Variants in BRPF3 observed in about 807,000 individuals in gnomAD.
BRPF3 encodes bromodomain and PHD finger-containing protein 3.
In BRPF3, 18 loss-of-function variants were observed where a neutral mutation model predicts 102.0. The observed-to-expected ratio is 0.18, with a 90% CI of 0.12 to 0.26. BRPF3 has a LOEUF of 0.26. Among genes scored for constraint, BRPF3 ranks in the 10% least tolerant of loss-of-function variants. The probability of loss-of-function intolerance (pLI) is 1.00; values close to 1 mark genes in which losing one functional copy is unlikely to be tolerated. For missense variants in BRPF3, 1,147 were observed against 1,567.8 expected (o/e 0.73, Z 4.53); for synonymous variants, 570 against 614.2 (o/e 0.93, Z 1.06).
chr6:36,215,760 G>C (rs1401930457), intron 8 of BRPF3, among the ~76,000 whole-genome samples: 1 of 152,120 alleles, frequency 6.6e-6, no homozygotes, highest in East Asian at 1.9e-4. Flanking sequence ...GGGCTTCCCA[G>C]AGCATCAGGA....
chr6:36,227,635 CAT>C (rs945626566), intron 11 of BRPF3, among the ~76,000 whole-genome samples: 7 of 152,180 alleles, frequency 4.6e-5, no homozygotes, highest in African/African-American at 1.7e-4. Context: ...CAAGAGGAAA[CAT>C]ATCAGAGTAG....
rs1384060124 is a variant in BRPF3 at position 36,214,351 on chromosome 6, A to G, written c.2954A>G (p.Glu985Gly). Residue 985 changes from glutamate to glycine, a missense_variant, in exon 8 of 13, where the codon GAA becomes GGA. Physicochemically the swap from Glu to Gly is moderately conservative, Grantham distance 98. This residue lies in a region of BRPF3 where 379 missense variants were observed against 426.3 expected (regional missense o/e 0.89). Coordinates refer to ENST00000357641, the MANE Select transcript of BRPF3 (RefSeq NM_015695.3). ...RPRSRSCSES[E>G]GERSPQQEEE... ...AGGAGCAGGAGCTGTAGTGAGAGCG[A>G]AGGGGAGAGGTCCCCCCAGCAGGAG... is the stretch of plus-strand genomic sequence containing the variant. The G allele has an allele frequency of 4.4e-6, 7 of 1,606,066 alleles. No homozygotes were observed.
Position 36,231,792 on chromosome 6 carries a change from C to T in BRPF3, c.*1183C>T, listed in dbSNP as rs575958298. On this transcript the variant is annotated 3_prime_UTR_variant, in exon 13 of 13. Transcript: ENST00000357641. ...CTCTTCAACCCCCTCCCCACCTTCA[C>T]CTTCTCAAAAATGGAAGGAAAAAAA... 6.5e-6 allele frequency: 1 copy of T among 152,710 alleles called. No individual in the cohort carries two copies. The highest frequency in any genetic ancestry group is 1.9e-4 in the East Asian group (1 of 5,180). The allele number at this position is 152,710 out of a possible 1,614,324, so 9.5% of individuals were successfully genotyped here. A position where few individuals can be genotyped will look rare whatever the true frequency, so the allele number is the denominator to read the frequency against.
chr6:36,198,060 G>T (rs2127271754), intron 1 of BRPF3, among the ~76,000 whole-genome samples: 1 of 152,304 alleles, frequency 6.6e-6, no homozygotes, highest in South Asian at 2.1e-4. Context: ...AAGCAGGTCT[G>T]TTGGCCCTGT....
intron 2 of BRPF3, chr6:36,204,363 A>C: frequency 2.5e-6 from 1 of 399,152 alleles, no homozygotes; most frequent in South Asian, 2.4e-5. Context: ...TTCAGTCCGT[A>C]CGTGGAACAA....
At chr6:36,202,614 A>G (rs1767755112) in intron 2 of BRPF3, among the ~76,000 whole-genome samples, 2 of 152,144 alleles carry the variant, frequency 1.3e-5, no homozygotes, top group Admixed American at 1.3e-4. Flanking sequence ...GGAGTCTTGG[A>G]GACTGTTCAT....
chr6:36,226,665 A>C (rs963642542), intron 11 of BRPF3, among the ~76,000 whole-genome samples: 5 of 152,250 alleles, frequency 3.3e-5, no homozygotes, highest in Admixed American at 1.3e-4. Context: ...AACTTTTAAC[A>C]GCAGCCTTTT....
intron 11 of BRPF3, among the ~76,000 whole-genome samples, chr6:36,226,393 G>A (rs1768740812): frequency 2.6e-5 from 4 of 152,188 alleles, no homozygotes; most frequent in Admixed American, 2.6e-4. Flanking sequence ...TGGGGAGGTA[G>A]TGTCCACCTA....
rs1212345425 is a variant in BRPF3, at chr6:36,230,609, AGGGCAGGGCT to A, written c.*5_*14del. The stretch of plus-strand genomic sequence containing the variant: ...CCTTCGTCACTTCCAGCTACCTGTA[AGGGCAGGGCT>A]GGGCCTGCATCCGCTTGCCCTGCCT... On this transcript the variant is annotated 3_prime_UTR_variant, in exon 13 of 13. Transcript: ENST00000357641. The surrounding 1 kb of genome is among the most constrained non-coding windows in gnomAD (Gnocchi z 5.4). 2 of 1,605,118 alleles carry A rather than the reference AGGGCAGGGCT, an allele frequency of 1.2e-6. No homozygotes were observed. Among genetic ancestry groups the A allele is most frequent in the Non-Finnish European group, 1.7e-6 (2 of 1,176,734 alleles).
At chr6:36,219,372 C>T (rs1273726148) in intron 9 of BRPF3, among the ~76,000 whole-genome samples, 1 of 152,162 alleles carries the variant, frequency 6.6e-6, no homozygotes, top group Non-Finnish European at 1.5e-5. Context: ...GAATCTTACA[C>T]GATGCTTCTA....
Position 36,222,282 on chromosome 6 carries a change from A to G in BRPF3, c.3181+17A>G. ...ATGGCTCAGGTGAGGAGCAGTGTTC[A>G]GGCAGAACTGAGGGGGCCAGGCCTT... On this transcript the variant is annotated intron_variant, in intron 10 of 12. Transcript: ENST00000357641. The G allele has an allele frequency of 6.5e-7, 1 of 1,548,508 alleles. No homozygotes were observed. The highest frequency in any genetic ancestry group is 1.2e-5 in the South Asian group (1 of 83,944).
At chr6:36,222,504 G>A (rs569453383) in intron 10 of BRPF3, among the ~76,000 whole-genome samples, 15 of 151,890 alleles carry the variant, frequency 9.9e-5, no homozygotes, top group African/African-American at 3.6e-4. Flanking sequence ...AATCAAAAAG[G>A]TACAAAAGAG....
chr6:36,200,982 T>A lies in BRPF3; in HGVS notation c.660T>A (p.Asp220Glu), dbSNP rs555915195. 5.6e-6 allele frequency: 9 copies of A among 1,614,154 alleles called. No individual in the cohort carries two copies. Among genetic ancestry groups the A allele is most frequent in the Non-Finnish European group, 7.6e-6 (9 of 1,180,038 alleles). The change falls in exon 2 of 13, where the codon GAT becomes GAA. Residue 220 changes from aspartate to glutamate, a missense_variant. By Grantham distance (45) the Asp-to-Glu change is conservative (BLOSUM62 2). Around this residue, in one of 11 missense-constraint regions of BRPF3, gnomAD observed 221 missense variants for 337.1 expected, o/e 0.66. Transcript: ENST00000357641. This position sits in a 1 kb window ranked among gnomAD's most constrained non-coding sequence, Gnocchi z 5.3. The stretch of plus-strand genomic sequence containing the variant: ...ACGCTTTCTGCTGTGTGTGCCTGGA[T>A]GATGAATGTCACAATAGCAATGTTA... The part of the protein sequence containing the change: ...DEDAFCCVCL[D>E]DECHNSNVIL...
intron 10 of BRPF3, among the ~76,000 whole-genome samples, chr6:36,222,619 T>A (rs1194076201): frequency 6.6e-6 from 1 of 152,148 alleles, no homozygotes; most frequent in African/African-American, 2.4e-5. Context: ...AAAACTTGCA[T>A]GAATAATTAA....
chr6:36,198,834 C>T (rs1023832379), intron 1 of BRPF3, among the ~76,000 whole-genome samples: 1 of 152,174 alleles, frequency 6.6e-6, no homozygotes. Flanking sequence ...TCCTTATGAG[C>T]TTGTCATCCA....
In BRPF3 at chr6:36,214,233, A is replaced by G. The variant is rs780677224; in HGVS notation, c.2836A>G (p.Arg946Gly). Reference protein sequence around the residue: ...NGVKLQRSPDRVLENGEDHGV... With the variant: ...NGVKLQRSPDGVLENGEDHGV... ...GGTTAAGCTACAGAGAAGCCCAGACAGGGTCCTGGAGAATGGCGAGGACCA... is the reference window on the plus strand; with the variant it reads ...GGTTAAGCTACAGAGAAGCCCAGACGGGGTCCTGGAGAATGGCGAGGACCA... The change falls in exon 8 of 13, where the codon AGG (arginine) becomes GGG (glycine). Residue 946 changes from arginine (R) to glycine (G), a missense_variant. Coordinates refer to ENST00000357641, the MANE Select transcript of BRPF3 (RefSeq NM_015695.3). The G allele has an allele frequency of 6.2e-7, 1 of 1,614,232 alleles. No individual in the cohort carries two copies. The highest frequency in any genetic ancestry group is 8.5e-7 in the Non-Finnish European group (1 of 1,180,034).
chr6:36,211,365 G>A lies in BRPF3; in HGVS notation c.2287G>A (p.Ala763Thr). 6.2e-7 allele frequency: 1 copy of A among 1,614,236 alleles called. No homozygotes were observed. The highest frequency in any genetic ancestry group is 8.5e-7 in the Non-Finnish European group (1 of 1,180,028). Reference sequence around the variant, plus strand: ...GGTGAGCGCCATGCGGTCCAGTGGGGCCCGCACCCGTCGTGTCCGCCTGCT... The same window carrying A: ...GGTGAGCGCCATGCGGTCCAGTGGGACCCGCACCCGTCGTGTCCGCCTGCT... The part of the protein sequence containing the change: ...DLVSAMRSSG[A>T]RTRRVRLLRR... Residue 763 changes from alanine to threonine, a missense_variant, in exon 7 of 13, where the codon GCC becomes ACC. Transcript: ENST00000357641.
chr6:36,224,272 G>A (rs553525889), intron 10 of BRPF3, among the ~76,000 whole-genome samples: 1 of 152,294 alleles, frequency 6.6e-6, no homozygotes, highest in East Asian at 1.9e-4. Flanking sequence ...TTTCCACCCT[G>A]TTAGATTTGG....
intron 8 of BRPF3, 87 bp downstream of exon 8, chr6:36,214,473 T>C (rs1768256686): frequency 1.4e-6 from 2 of 1,425,010 alleles, no homozygotes; most frequent in African/African-American, 1.4e-5. Context: ...ATTGGCCATC[T>C]CTCTAATGGC....
Sources: gnomAD v4.1 joint callset for allele counts (sites outside exome capture counted in the v4.1 genomes callset) on GRCh38, gnomAD v4.1.1 for gene constraint, gnomAD v4.1.1 regional missense constraint, Gnocchi (gnomAD v3.1) non-coding constraint, MANE v1.5 for transcripts, NCBI Gene and HGNC (gene_info 2026-07-23, HGNC 2026-07-21) for gene names.